Variants in ARID1B observed in about 807,000 individuals in gnomAD.
ARID1B encodes AT-rich interactive domain-containing protein 1B.
Under a neutral mutation model 212.3 loss-of-function variants are expected in ARID1B, and 30 were observed. The ratio of observed to expected loss-of-function variants is 0.14; its 90% CI spans 0.11 to 0.19. The LOEUF (loss-of-function observed/expected upper bound fraction) is 0.19. ARID1B is among the 10% of genes least tolerant of loss of function. The pLI is 1.00. For missense variants in ARID1B, 2,891 were observed against 3,204.0 expected, an observed-to-expected ratio of 0.90 and a Z score of 2.36; for synonymous variants, 1,402 against 1,301.7, an observed-to-expected ratio of 1.08 and a Z score of -1.66.
At chr6:157,039,642 C>CTTCCTTCCTTCCTTCTTTCTTTCT (rs1781609551) in intron 4 of ARID1B, among the ~76,000 whole-genome samples, 1 of 122,576 alleles carries the variant, frequency 8.2e-6, no homozygotes, top group South Asian at 2.5e-4. Context: ...TCCTTCCTTC[C>CTTCCTTCCTTCCTTCTTTCTTTCT]TTCTTTCCTT....
chr6:156,969,232 T>C (rs1019545863), intron 4 of ARID1B, among the ~76,000 whole-genome samples: 6 of 152,176 alleles, frequency 3.9e-5, no homozygotes, highest in Non-Finnish European at 5.9e-5. Context: ...TCTCAGGAGA[T>C]TTGTGTTTGT....
rs76501857 is a variant in ARID1B, at chr6:157,013,807, A to G, written c.2248-70855A>G. 2.6e-3 allele frequency among the ~76,000 whole-genome samples: 402 copies of G among 152,362 alleles called. 1 individual carries two copies. Among genetic ancestry groups the G allele is most frequent in the African/African-American group, 9.2e-3 (384 of 41,588 alleles). On this transcript the variant is annotated intron_variant, in intron 4 of 19. Coordinates refer to ENST00000636930, the MANE Select transcript of ARID1B (RefSeq NM_001374828.1). ...ATTCAGCGGCAGGCCTGAACAGAAT[A>G]GAAGTGACAAGCAAGAATCAATTAA...
intron 4 of ARID1B, among the ~76,000 whole-genome samples, chr6:157,043,005 T>C (rs759190159): frequency 2.6e-5 from 4 of 152,218 alleles, no homozygotes; most frequent in Non-Finnish European, 2.9e-5. Context: ...TTAATATTTG[T>C]TTTAGGCACC....
intron 1 of ARID1B, among the ~76,000 whole-genome samples, chr6:156,805,115 T>C (rs947751402): frequency 2.5e-4 from 38 of 152,364 alleles, no homozygotes; most frequent in African/African-American, 8.4e-4. Context: ...TGTTTGCTTA[T>C]ACTACTCTGG....
chr6:157,206,832 G>T lies in ARID1B; in HGVS notation c.6060G>T (p.Gln2020His). The T allele has an allele frequency of 1.9e-6, 3 of 1,614,088 alleles. No individual in the cohort carries two copies. Among genetic ancestry groups the T allele is most frequent in the Non-Finnish European group, 2.5e-6 (3 of 1,180,022 alleles). ...CTGAAGACGCAAACCCTGGGCCCCA[G>T]ACCGAAAGCAGTAAGTTTCCCTTTG... ...ALPEDANPGPQTESSKFPFGI... is the reference protein window; with the variant it reads ...ALPEDANPGPHTESSKFPFGI... Residue 2020 changes from glutamine (Q) to histidine (H), a missense_variant, in exon 20 of 20, where the codon CAG becomes CAT. Gln to His is a conservative substitution (Grantham distance 24). This residue lies in a region of ARID1B where 332 missense variants were observed against 369.2 expected (regional missense o/e 0.90). Transcript: ENST00000636930. The surrounding 1 kb of genome is among the most constrained non-coding windows in gnomAD (Gnocchi z 6.8).
Position 157,148,548 on chromosome 6 carries a change from G to C in ARID1B, c.2762-76G>C. The C allele has an allele frequency of 6.7e-7, 1 of 1,485,284 alleles. No homozygotes were observed. Among genetic ancestry groups the C allele is most frequent in the Non-Finnish European group, 9.1e-7 (1 of 1,095,422 alleles). The allele number at this position is 1,485,284 out of a possible 1,614,324, so 92.0% of individuals were successfully genotyped here. On this transcript the variant is annotated intron_variant, in intron 7 of 19. Transcript: ENST00000636930. This position sits in a 1 kb window ranked among gnomAD's most constrained non-coding sequence, Gnocchi z 5.6. ...AATACTCCGTGCTGATCGCATTGTT[G>C]GACAAAAAGTATTTCCAGTGAATGT...
At chr6:157,192,835 G>T (rs1266561403) in intron 15 of ARID1B, among the ~76,000 whole-genome samples, 1 of 152,232 alleles carries the variant, frequency 6.6e-6, no homozygotes, top group East Asian at 1.9e-4. Context: ...ATCCTGTTGT[G>T]TATAGTTTTC....
chr6:156,808,822 T>C (rs966857359), intron 1 of ARID1B, among the ~76,000 whole-genome samples: 2 of 152,236 alleles, frequency 1.3e-5, no homozygotes, highest in Non-Finnish European at 2.9e-5. Context: ...GAAACTTCTT[T>C]TAACGAATGT....
At chr6:156,843,091 T>G (rs1035356255) in intron 2 of ARID1B, among the ~76,000 whole-genome samples, 2 of 152,218 alleles carry the variant, frequency 1.3e-5, no homozygotes, top group African/African-American at 4.8e-5. Context: ...TAGTACGCGG[T>G]AGCACCCTTC....
At chr6:157,034,786 T>C (rs1001439884) in intron 4 of ARID1B, among the ~76,000 whole-genome samples, 1 of 152,228 alleles carries the variant, frequency 6.6e-6, no homozygotes, top group African/African-American at 2.4e-5. Context: ...TTTTCTGTAG[T>C]TGCTGATATT....
chr6:156,997,312 G>A (rs1474868410), intron 4 of ARID1B, among the ~76,000 whole-genome samples: 1 of 152,150 alleles, frequency 6.6e-6, no homozygotes, highest in Non-Finnish European at 1.5e-5. Flanking sequence ...TCTCATGTCT[G>A]TGCAAAAACC....
intron 4 of ARID1B, among the ~76,000 whole-genome samples, chr6:157,044,632 T>G (rs1782106526): frequency 6.6e-6 from 1 of 152,248 alleles, no homozygotes; most frequent in Admixed American, 6.5e-5. Context: ...CCATTTGTTT[T>G]TAGTCATTTC....
intron 2 of ARID1B, among the ~76,000 whole-genome samples, chr6:156,855,162 TC>T (rs1280861918): frequency 6.6e-6 from 1 of 152,242 alleles, no homozygotes; most frequent in Non-Finnish European, 1.5e-5. Context: ...GGGAATGATG[TC>T]CACTTTTGGA....
chr6:156,896,600 A>AAG (rs1491291654), intron 2 of ARID1B, among the ~76,000 whole-genome samples: 10 of 146,396 alleles, frequency 6.8e-5, no homozygotes, highest in African/African-American at 2.6e-4. Context: ...AAAAAAAAAA[A>AAG]GAGGACACAG....
rs1189820890 is a variant in ARID1B at position 156,885,127 on chromosome 6, T to TAAAATA, written c.1987-16249_1987-16248insAAAATA. On this transcript the variant is annotated intron_variant, in intron 2 of 19. Coordinates refer to ENST00000636930, the MANE Select transcript of ARID1B (RefSeq NM_001374828.1). ...GTAATATAGCTAAAATAAAGTAAAA[T>TAAAATA]TGGAATATGATCTAATTTCAGAACT... 4.7e-4 allele frequency among the ~76,000 whole-genome samples: 72 copies of TAAAATA among 152,274 alleles called. No homozygotes were observed. In the Middle Eastern group the frequency reaches 0.017, roughly 36 times the overall value.
intron 2 of ARID1B, among the ~76,000 whole-genome samples, chr6:156,835,253 A>AAAG (rs1783430985): frequency 1.3e-5 from 2 of 151,860 alleles, no homozygotes; most frequent in African/African-American, 4.8e-5. Context: ...AAAAAAAAAA[A>AAAG]AAAGAAAATA....
intron 4 of ARID1B, among the ~76,000 whole-genome samples, chr6:156,993,420 A>G (rs565002704): frequency 2.0e-4 from 30 of 152,344 alleles, no homozygotes; most frequent in African/African-American, 6.3e-4. Context: ...AGTTTTTAGC[A>G]AAAGTATTCT....
At chr6:157,115,512 C>T (rs887599538) in intron 6 of ARID1B, among the ~76,000 whole-genome samples, 4 of 152,196 alleles carry the variant, frequency 2.6e-5, no homozygotes, top group African/African-American at 7.2e-5. Flanking sequence ...CTGTGAGCTC[C>T]GCCTTCCGGG....
intron 4 of ARID1B, among the ~76,000 whole-genome samples, chr6:157,044,986 G>A (rs559111865): frequency 2.2e-4 from 33 of 152,196 alleles, no homozygotes; most frequent in African/African-American, 7.5e-4. Context: ...ATATATAAAT[G>A]TTCTAATAAC....
Sources: allele counts gnomAD v4.1 joint callset (sites outside exome capture counted in the v4.1 genomes callset), GRCh38; gene constraint gnomAD v4.1.1; regional missense constraint gnomAD v4.1.1; non-coding constraint Gnocchi (gnomAD v3.1); transcripts MANE v1.5; gene names NCBI Gene and HGNC (gene_info 2026-07-23, HGNC 2026-07-21).